The following DNHD1 variants were observed in gnomAD, a reference collection of about 807,000 sequenced individuals.
DNHD1 encodes the protein dynein heavy chain domain 1, also known as dynein heavy chain domain-containing protein 1.
DNHD1 carries 383 observed loss-of-function variants against 458.1 expected under a neutral mutation model. The ratio of observed to expected loss-of-function variants is 0.84; its 90% confidence interval spans 0.77 to 0.91. The LOEUF (loss-of-function observed/expected upper bound fraction) is 0.91. Ranked by LOEUF, DNHD1 falls within the 40% of genes least tolerant of loss-of-function variation. DNHD1 has a pLI of 0.00. For synonymous variants in DNHD1, 2,203 were observed against 2,376.9 expected, an observed-to-expected ratio of 0.93 and a Z score of 2.13; for missense variants, 5,336 against 5,866.1, an observed-to-expected ratio of 0.91 and a Z score of 2.95.
In DNHD1 at chr11:6,520,122, G is replaced by A. The variant is rs374350205; in HGVS notation, c.1785+20G>A. On this transcript the variant is annotated intron_variant, in intron 9 of 42. Coordinates refer to ENST00000254579, the MANE Select transcript of DNHD1 (RefSeq NM_144666.3). ...TTGCAGGTATTCTGAATTGGGCAGA[G>A]AGCTGGCTGTGGGAATTCCCAGTTC... is the stretch of plus-strand genomic sequence containing the variant. 1 of 1,614,054 alleles carries A rather than the reference G, an allele frequency of 6.2e-7. No individual in the cohort carries two copies. Among genetic ancestry groups the A allele is most frequent in the Admixed American group, 1.7e-5 (1 of 59,988 alleles).
rs1853239975 is a variant in DNHD1, at chr11:6,547,210, A to C, written c.6271A>C (p.Asn2091His). ...QHWIICDGASNGAWLDSITCL... is the reference protein window; with the variant it reads ...QHWIICDGASHGAWLDSITCL... ...CTGGATAATATGTGATGGAGCCTCC[A>C]ATGGTGCTTGGCTGGACTCCATCAC... The change falls in exon 21 of 43, where the codon AAT (asparagine) becomes CAT (histidine). Residue 2091 changes from asparagine to histidine, a missense_variant. Asn to His is a moderately conservative substitution (Grantham distance 68). Coordinates refer to ENST00000254579, the MANE Select transcript of DNHD1 (RefSeq NM_144666.3). 6.4e-7 allele frequency: 1 copy of C among 1,551,778 alleles called. No homozygotes were observed. Among genetic ancestry groups the C allele is most frequent in the Non-Finnish European group, 8.7e-7 (1 of 1,147,014 alleles).
At chr11:6,520,502 T>C (rs1565000556) in intron 10 of DNHD1, 3 of 1,416,352 alleles carry the variant, frequency 2.1e-6, no homozygotes, top group Non-Finnish European at 2.8e-6. Flanking sequence ...TATGTGTATG[T>C]GCGTGCAATG....
rs1564817130 is a variant in DNHD1, at chr11:6,548,499, TTTC to T, written c.7098+100_7098+102del. On this transcript the variant is annotated intron_variant, in intron 23 of 42. Coordinates refer to ENST00000254579, the MANE Select transcript of DNHD1 (RefSeq NM_144666.3). This position sits in a 1 kb window ranked among gnomAD's most constrained non-coding sequence, Gnocchi z 4.4. The stretch of plus-strand genomic sequence containing the variant: ...GATCAGCTGAGGCCCACTTGCTCCC[TTTC>T]TTTGATATATTTTCACAATCACAAG... 6.8e-7 allele frequency: 1 copy of T among 1,460,080 alleles called. No homozygotes were observed. Among genetic ancestry groups the T allele is most frequent in the East Asian group, 2.5e-5 (1 of 40,302 alleles). The allele number at this position is 1,460,080 out of a possible 1,614,324, so 90.4% of individuals were successfully genotyped here.
At position 6,528,701 on chromosome 11, in the gene DNHD1, C is replaced by T. The variant is rs1247117432; in HGVS notation, c.2017C>T (p.Pro673Ser). The T allele has an allele frequency of 6.4e-7, 1 of 1,551,708 alleles. No homozygotes were observed. The highest frequency in any genetic ancestry group is 2.4e-5 in the East Asian group (1 of 40,928). ...ATGTCGGCTGCGGGGCCAATACTTC[C>T]CCCACAATTATAAGCAGCTGGAGGA... is the stretch of plus-strand genomic sequence containing the variant. The part of the protein sequence containing the change: ...RGCRLRGQYF[P>S]HNYKQLEEDL... Residue 673 changes from proline to serine, a missense_variant, in exon 11 of 43, where the codon CCC becomes TCC. Physicochemically the swap from Pro to Ser is moderately conservative, Grantham distance 74. Around this residue, in one of 4 missense-constraint regions of DNHD1, gnomAD observed 3,932 missense variants for 4,365.6 expected, o/e 0.90. Transcript: ENST00000254579.
chr11:6,542,831 C>G (rs1324966190), intron 18 of DNHD1, among the ~76,000 whole-genome samples: 1 of 152,206 alleles, frequency 6.6e-6, no homozygotes, highest in Non-Finnish European at 1.5e-5. Context: ...TCAGAACCAT[C>G]ACCCCCAAGG....
At chr11:6,539,437 AAG>A in intron 17 of DNHD1, 124 bp downstream of exon 17, 2 of 715,430 alleles carry the variant, frequency 2.8e-6, no homozygotes, top group Non-Finnish European at 4.8e-6. Flanking sequence ...AACCTGCCTG[AAG>A]GGCAGGAACA....
chr11:6,564,037 C>T lies in DNHD1; in HGVS notation c.10197C>T (p.Leu3399=), dbSNP rs891229188. ...QASHNCVAKT[L]SQAQCGQYHK... is the part of the protein sequence containing the mutation. Reference sequence around the variant, plus strand: ...CCCACAACTGCGTGGCAAAGACCCTCAGTCAAGCACAGTGTGGGCAGTATC... The same window carrying T: ...CCCACAACTGCGTGGCAAAGACCCTTAGTCAAGCACAGTGTGGGCAGTATC... The change falls in exon 31 of 43, where the codon CTC becomes CTT. Residue 3399 remains leucine, a synonymous_variant. Coordinates refer to ENST00000254579, the MANE Select transcript of DNHD1 (RefSeq NM_144666.3). The T allele has an allele frequency of 6.4e-7, 1 of 1,551,746 alleles. No homozygotes were observed.
chr11:6,534,373 GTGGGGGTA>G, intron 14 of DNHD1, 200 bp downstream of exon 14: 1 of 614,162 alleles, frequency 1.6e-6, no homozygotes, highest in Non-Finnish European at 2.8e-6. Context: ...TGTGCTTAGG[GTGGGGGTA>G]TGGGGGCTCA....
intron 7 of DNHD1, among the ~76,000 whole-genome samples, chr11:6,512,531 G>T (rs1376458750): frequency 6.6e-6 from 1 of 151,992 alleles, no homozygotes; most frequent in Non-Finnish European, 1.5e-5. Context: ...CGACTGCAAG[G>T]AATTTCTGTT....
chr11:6,559,283 G>A lies in DNHD1; in HGVS notation c.9519G>A (p.Lys3173=). 6.4e-7 allele frequency: 1 copy of A among 1,551,376 alleles called. No individual in the cohort carries two copies. The highest frequency in any genetic ancestry group is 8.7e-7 in the Non-Finnish European group (1 of 1,146,786). The change falls in exon 28 of 43, where the codon AAG becomes AAA. Residue 3173 remains lysine (K), a splice_region_variant and synonymous_variant. Transcript: ENST00000254579. ...DLEQQLKDSG[K]SLSMFQQQLE... is the part of the protein sequence containing the mutation. ...AACAGCAGCTGAAAGACTCCGGCAA[G>A]GTAAGGAGATGATTTTGAGGCTTCC...
At chr11:6,524,665 A>G (rs1852673190) in intron 10 of DNHD1, among the ~76,000 whole-genome samples, 1 of 152,202 alleles carries the variant, frequency 6.6e-6, no homozygotes, top group Non-Finnish European at 1.5e-5. Context: ...TTTTAGCTAT[A>G]GGCAAGGGTA....
At chr11:6,553,604 T>A (rs1403836387) in intron 24 of DNHD1, among the ~76,000 whole-genome samples, 1 of 152,208 alleles carries the variant, frequency 6.6e-6, no homozygotes, top group Non-Finnish European at 1.5e-5. Context: ...AATATTTTTT[T>A]AAACCCCATA....
In DNHD1 at chr11:6,556,680, T is replaced by C. The variant is rs770459890; in HGVS notation, c.7388-3T>C. ...CCTCATTATTATTCCTCATGTCCCA[T>C]AGACCCAGAGAAGAGCTGCCAGCCA... On this transcript the variant is annotated splice_region_variant and splice_polypyrimidine_tract_variant and intron_variant, in intron 24 of 42. Coordinates refer to ENST00000254579, the MANE Select transcript of DNHD1 (RefSeq NM_144666.3). 9.4e-5 allele frequency: 145 copies of C among 1,538,862 alleles called. No individual in the cohort carries two copies. The East Asian group carries it at 2.5e-3, about 26-fold the overall frequency.
chr11:6,514,132 C>G (rs1011059690), intron 7 of DNHD1, among the ~76,000 whole-genome samples: 2 of 152,142 alleles, frequency 1.3e-5, no homozygotes, highest in African/African-American at 4.8e-5. Flanking sequence ...AGGTGTGAGT[C>G]TGGCTGTGTC....
In DNHD1 at chr11:6,498,950, A is replaced by G. The variant is rs1473881022; in HGVS notation, c.735A>G (p.Arg245=). 4 of 1,601,168 alleles carry G rather than the reference A, an allele frequency of 2.5e-6. No homozygotes were observed. Among genetic ancestry groups the G allele is most frequent in the Non-Finnish European group, 3.4e-6 (4 of 1,173,102 alleles). ...TDNAEVEPVG[R]KETRSQLDYE... The stretch of plus-strand genomic sequence containing the variant: ...ATGCAGAGGTGGAGCCTGTTGGAAG[A>G]AAAGAGACCAGGTAAGTGAGGGACT... Residue 245 remains arginine, a synonymous_variant, in exon 3 of 43, where the codon AGA becomes AGG. Transcript: ENST00000254579.
chr11:6,544,028 G>A, intron 18 of DNHD1, 93 bp from the exon 19 acceptor site: 1 of 1,170,646 alleles, frequency 8.5e-7, no homozygotes, highest in Non-Finnish European at 1.2e-6. Context: ...CTCTGTAACT[G>A]CCTCTCCTGG....
At position 6,498,569 on chromosome 11, in the gene DNHD1, C is replaced by A; in HGVS notation, c.354C>A (p.Val118=). 6.2e-7 allele frequency: 1 copy of A among 1,614,214 alleles called. No individual in the cohort carries two copies. The highest frequency in any genetic ancestry group is 8.5e-7 in the Non-Finnish European group (1 of 1,180,032). The change falls in exon 3 of 43, where the codon GTC becomes GTA. Residue 118 remains valine (V), a synonymous_variant. Coordinates refer to ENST00000254579, the MANE Select transcript of DNHD1 (RefSeq NM_144666.3). ...AGCTGTACTGCTGGGCACCCTGGGT[C>A]CAAACCCACCTCCATCTGGACCTGC... ...LEQLYCWAPW[V]QTHLHLDLLG... is the part of the protein sequence containing the mutation.
Position 6,519,845 on chromosome 11 carries a change from C to A in DNHD1, c.1638C>A (p.Asn546Lys). The change falls in exon 8 of 43, where the codon AAC becomes AAA. Residue 546 changes from asparagine (N) to lysine (K), a missense_variant. By Grantham distance (94) the Asn-to-Lys change is moderately conservative. This residue lies in a region of DNHD1 where 3,932 missense variants were observed against 4,365.6 expected (regional missense o/e 0.90). Coordinates refer to ENST00000254579, the MANE Select transcript of DNHD1 (RefSeq NM_144666.3). ...AGCAGATAACCTCTTTTGTGGCCAACATCCTTCAAGTGAGGTGGTGGGTGG... is the reference window on the plus strand; with the variant it reads ...AGCAGATAACCTCTTTTGTGGCCAAAATCCTTCAAGTGAGGTGGTGGGTGG... ...LEEQITSFVA[N>K]ILQAPRQKPF... 1.2e-6 allele frequency: 2 copies of A among 1,612,662 alleles called. No individual in the cohort carries two copies. Among genetic ancestry groups the A allele is most frequent in the African/African-American group, 2.7e-5 (2 of 75,062 alleles).
intron 28 of DNHD1, among the ~76,000 whole-genome samples, chr11:6,561,428 CA>C (rs1189842662): frequency 6.7e-6 from 1 of 149,500 alleles, no homozygotes; most frequent in Non-Finnish European, 1.5e-5. Flanking sequence ...ACCTTGTCTC[CA>C]AAAAAGAAAA....
Sources: gnomAD v4.1 joint callset for allele counts (sites outside exome capture counted in the v4.1 genomes callset) on GRCh38, gnomAD v4.1.1 for gene constraint, gnomAD v4.1.1 regional missense constraint, Gnocchi (gnomAD v3.1) non-coding constraint, MANE v1.5 for transcripts, NCBI Gene and HGNC (gene_info 2026-07-23, HGNC 2026-07-21) for gene names.